The following PEX6 variants were observed in gnomAD, a reference collection of about 807,000 sequenced individuals.
PEX6 encodes the protein peroxisomal biogenesis factor 6, also known as peroxisome biogenesis factor 6.
Under a neutral mutation model 85.6 loss-of-function variants are expected in PEX6, and 55 were observed. The observed-to-expected ratio is 0.64, with a 90% CI of 0.52 to 0.80. The LOEUF (loss-of-function observed/expected upper bound fraction) is 0.80. PEX6 is among the 30% of genes least tolerant of loss of function. The pLI, the probability that PEX6 is intolerant of heterozygous loss-of-function variation, is 0.00. For missense variants in PEX6, 1,099 were observed against 1,260.3 expected, an observed-to-expected ratio of 0.87 and a Z score of 1.94; for synonymous variants, 519 against 549.1, an observed-to-expected ratio of 0.95 and a Z score of 0.77.
intron 2 of PEX6, among the ~76,000 whole-genome samples, chr6:42,974,442 G>GTTTTTTTTTT (rs71855084): frequency 1.7e-4 from 20 of 115,970 alleles, no homozygotes; most frequent in South Asian, 5.5e-4. Flanking sequence ...TGTCTGAAAT[G>GTTTTTTTTTT]TTTTTTTTGT....
chr6:42,972,908 A>C (rs554270653), intron 3 of PEX6, among the ~76,000 whole-genome samples: 1 of 152,344 alleles, frequency 6.6e-6, no homozygotes, highest in African/African-American at 2.4e-5. Flanking sequence ...GTATGGCCCA[A>C]GTCTTGGTCC....
chr6:42,963,962 A>T lies in PEX6; in HGVS notation c.*373T>A. ...CCCTCTCCCAGGGCTTACTCCTCCCACAACCCTGCTCTTTCTCACTCCAAC... is the reference window on the plus strand; with the variant it reads ...CCCTCTCCCAGGGCTTACTCCTCCCTCAACCCTGCTCTTTCTCACTCCAAC... On this transcript the variant is annotated 3_prime_UTR_variant, in exon 17 of 17. Coordinates refer to ENST00000304611, the MANE Select transcript of PEX6 (RefSeq NM_000287.4). The T allele has an allele frequency of 2.9e-6, 1 of 340,978 alleles. No individual in the cohort carries two copies. The highest frequency in any genetic ancestry group is 5.1e-6 in the Non-Finnish European group (1 of 194,444). The allele number at this position is 340,978 out of a possible 1,614,324, so 21.1% of individuals were successfully genotyped here. A position where few individuals can be genotyped will look rare whatever the true frequency, so the allele number is the denominator to read the frequency against.
rs746681634 is a variant in PEX6, at chr6:42,978,691, G to T, written c.460C>A (p.Arg154=). The part of the protein sequence containing the change: ...ALQGLLGPGT[R]LAVTELRGRA... ...CCGCGGAGCTCAGTCACAGCCAGCC[G>T]AGTCCCTGGGCCCAGCAGCCCTTGC... is the stretch of plus-strand genomic sequence containing the variant. The change falls in exon 1 of 17, where the codon CGG becomes AGG. Residue 154 remains arginine (R), a synonymous_variant. Coordinates refer to ENST00000304611, the MANE Select transcript of PEX6 (RefSeq NM_000287.4). 1 of 1,551,326 alleles carries T rather than the reference G, an allele frequency of 6.4e-7. No individual in the cohort carries two copies. Among genetic ancestry groups the T allele is most frequent in the Non-Finnish European group, 8.7e-7 (1 of 1,155,546 alleles).
In PEX6 at chr6:42,969,784, G is replaced by A. The variant is rs995542635; in HGVS notation, c.1251C>T (p.Ser417=). Residue 417 remains serine (S), a synonymous_variant, in exon 5 of 17, where the codon AGC becomes AGT. Coordinates refer to ENST00000304611, the MANE Select transcript of PEX6 (RefSeq NM_000287.4). ...CCTCTGAAGGGAGCCATGGAACAGG[G>A]CTCAGGGTAGAACCCACCTGTGAAA... The part of the protein sequence containing the change: ...TSLYMVGSTL[S]PVPWLPSEES... The A allele has an allele frequency of 2.5e-6, 4 of 1,613,756 alleles. No individual in the cohort carries two copies. The highest frequency in any genetic ancestry group is 2.7e-5 in the African/African-American group (2 of 74,824).
intron 5 of PEX6, 132 bp from the exon 6 acceptor site, chr6:42,969,117 C>A: frequency 2.9e-6 from 2 of 687,204 alleles, no homozygotes; most frequent in South Asian, 3.2e-5. Flanking sequence ...GACCCCAGGA[C>A]AGGGCTGTCC....
At chr6:42,975,449 G>T (rs145129693) in intron 1 of PEX6, among the ~76,000 whole-genome samples, 161 of 152,232 alleles carry the variant, frequency 1.1e-3, no homozygotes, top group Middle Eastern at 3.4e-3. Context: ...GTCATTGGTT[G>T]GTTCAATGAG....
chr6:42,968,292 GTTGAGGGGGTCCTCA>G lies in PEX6; in HGVS notation c.1671_1685del (p.Glu558_Asn562del), dbSNP rs1362072708. 2 of 1,613,654 alleles carry G rather than the reference GTTGAGGGGGTCCTCA, an allele frequency of 1.2e-6. No individual in the cohort carries two copies. The highest frequency in any genetic ancestry group is 2.7e-5 in the African/African-American group (2 of 74,940). On this transcript the variant is annotated inframe_deletion, in exon 7 of 17. Transcript: ENST00000304611. ...GAGGCCCAGCTCTGTATAAGTACCT[GTTGAGGGGGTCCTCA>G]TTGAGGAGGAGGTGACGCAGCACAG... is the stretch of plus-strand genomic sequence containing the variant.
chr6:42,966,165 C>G (rs1366153679), intron 11 of PEX6, 60 bp from the exon 12 acceptor site: 1 of 1,610,158 alleles, frequency 6.2e-7, no homozygotes, highest in African/African-American at 1.3e-5. Flanking sequence ...CAATTGACCT[C>G]TTGGGCAGCC....
rs533353705 is a variant in PEX6, at chr6:42,964,688, C to T, written c.2806+102G>A. The T allele has an allele frequency of 6.6e-7, 1 of 1,507,588 alleles. No individual in the cohort carries two copies. Among genetic ancestry groups the T allele is most frequent in the Admixed American group, 1.7e-5 (1 of 59,840 alleles). 93.4% of individuals were successfully genotyped at this position (1,507,588 alleles called of 1,614,324 possible). ...CAGGCTGGCCTCAAACTCCTGGGCT[C>T]AAGCGATCCTCCCACCTCAGCCTCT... is the stretch of plus-strand genomic sequence containing the variant. On this transcript the variant is annotated intron_variant, in intron 16 of 16. Transcript: ENST00000304611. The surrounding 1 kb of genome is among the most constrained non-coding windows in gnomAD (Gnocchi z 4.6).
chr6:42,964,910 C>G lies in PEX6; in HGVS notation c.2686G>C (p.Val896Leu), dbSNP rs201198996. The change falls in exon 16 of 17, where the codon GTG (valine) becomes CTG (leucine). Residue 896 changes from valine to leucine, a missense_variant. By Grantham distance (32) the Val-to-Leu change is conservative. Transcript: ENST00000304611. The surrounding 1 kb of genome is among the most constrained non-coding windows in gnomAD (Gnocchi z 4.6). ...CAATCTAGCACGTTTACCAGGCTCA[C>G]AGATGGCTCTAGCTTGAATCTGTTG... Reference protein sequence around the residue: ...ITRKFKLEPSVSLVNVLDCCP... With the variant: ...ITRKFKLEPSLSLVNVLDCCP... The G allele has an allele frequency of 6.2e-7, 1 of 1,614,204 alleles. No homozygotes were observed. The highest frequency in any genetic ancestry group is 1.3e-5 in the African/African-American group (1 of 75,060).
chr6:42,969,684 G>T lies in PEX6; in HGVS notation c.1351C>A (p.Pro451Thr), dbSNP rs369661341. 3 of 1,612,852 alleles carry T rather than the reference G, an allele frequency of 1.9e-6. No individual in the cohort carries two copies. The highest frequency in any genetic ancestry group is 4.0e-4 in the Middle Eastern group (2 of 5,044). Residue 451 changes from proline to threonine, a missense_variant, in exon 5 of 17, where the codon CCT becomes ACT. This residue lies in a region of PEX6 where 579 missense variants were observed against 611.6 expected (regional missense o/e 0.95). Transcript: ENST00000304611. The stretch of plus-strand genomic sequence containing the variant: ...CTCACTCACCCTGGCTGGAGGCGAG[G>T]CTTCAGGACAGCACAGAGTTCAGAC... ...LVSELCAVLK[P>T]RLQPGGALLT...
chr6:42,973,968 A>G (rs1475364760), intron 3 of PEX6, 35 bp downstream of exon 3: 3 of 1,486,402 alleles, frequency 2.0e-6, no homozygotes, highest in Non-Finnish European at 2.8e-6. Flanking sequence ...CCCAGGTTAC[A>G]AATCCCAGCT....
intron 2 of PEX6, 28 bp from the exon 3 acceptor site, chr6:42,974,114 G>T (rs765484247): frequency 6.5e-7 from 1 of 1,548,154 alleles, no homozygotes; most frequent in East Asian, 2.2e-5. Flanking sequence ...CCCTGGTCAG[G>T]TCACAATGGG....
Position 42,979,171 on chromosome 6 carries a change from G to A in PEX6, c.-21C>T. On this transcript the variant is annotated 5_prime_UTR_variant, in exon 1 of 17. Transcript: ENST00000304611. ...GCCATGGTGACAGGACACCAACGAG[G>A]AGGGTGAAGGAGCGCAGCTTCCGGA... The A allele has an allele frequency of 6.4e-7, 1 of 1,570,140 alleles. No homozygotes were observed. The highest frequency in any genetic ancestry group is 8.6e-7 in the Non-Finnish European group (1 of 1,166,716).
At position 42,967,455 on chromosome 6, in the gene PEX6, C is replaced by T. The variant is rs746770634; in HGVS notation, c.1797G>A (p.Gly599=). 5.6e-6 allele frequency: 9 copies of T among 1,612,384 alleles called. No homozygotes were observed. The highest frequency in any genetic ancestry group is 2.2e-5 in the South Asian group (2 of 90,616). ...GGGCCCGCAGGATGCTGAGCCGCTG[C>T]CCCTCTGACAGAGCAGGCACCTCGA... ...HELEVPALSE[G]QRLSILRALT... The change falls in exon 8 of 17, where the codon GGG becomes GGA. Residue 599 remains glycine, a synonymous_variant. Transcript: ENST00000304611.
In PEX6 at chr6:42,963,897, ATGTCAG is replaced by A; in HGVS notation, c.*432_*437del. On this transcript the variant is annotated 3_prime_UTR_variant, in exon 17 of 17. Transcript: ENST00000304611. ...GTTCCTGCATGCATTGTGTTTATTT[ATGTCAG>A]AAGGATCAGGCTCCCATGCTGCCCA... The A allele has an allele frequency of 1.9e-6, 1 of 539,728 alleles. No homozygotes were observed. Among genetic ancestry groups the A allele is most frequent in the Non-Finnish European group, 3.3e-6 (1 of 302,064 alleles). The allele number at this position is 539,728 out of a possible 1,614,324, so 33.4% of individuals were successfully genotyped here. A position where few individuals can be genotyped will look rare whatever the true frequency, so the allele number is the denominator to read the frequency against.
Position 42,978,339 on chromosome 6 carries a change from G to A in PEX6, c.812C>T (p.Ala271Val), listed in dbSNP as rs1770393815. The stretch of plus-strand genomic sequence containing the variant: ...AAAAGCCAAAGTGGCAGGGACAAGC[G>A]CCAGTCCGTCAGCGAGGGGCTCTCC... The part of the protein sequence containing the change: ...PLGEPLADGL[A>V]LVPATLAFNL... Residue 271 changes from alanine to valine, a missense_variant, in exon 1 of 17, where the codon GCG (alanine) becomes GTG (valine). Physicochemically the swap from Ala to Val is moderately conservative, Grantham distance 64 (BLOSUM62 0). Coordinates refer to ENST00000304611, the MANE Select transcript of PEX6 (RefSeq NM_000287.4). 2 of 1,614,078 alleles carry A rather than the reference G, an allele frequency of 1.2e-6. No individual in the cohort carries two copies. Among genetic ancestry groups the A allele is most frequent in the African/African-American group, 1.3e-5 (1 of 74,926 alleles).
At chr6:42,966,753 C>T in intron 9 of PEX6, 29 bp downstream of exon 9, 1 of 1,614,004 alleles carries the variant, frequency 6.2e-7, no homozygotes, top group South Asian at 1.1e-5. Context: ...TTTCCTCTTT[C>T]CGCCTTTCCG....
In PEX6 at chr6:42,965,223, G is replaced by A. The variant is rs758760645; in HGVS notation, c.2588+29C>T. 1 of 1,607,006 alleles carries A rather than the reference G, an allele frequency of 6.2e-7. No homozygotes were observed. The highest frequency in any genetic ancestry group is 2.2e-5 in the East Asian group (1 of 44,842). On this transcript the variant is annotated intron_variant, in intron 14 of 16. Coordinates refer to ENST00000304611, the MANE Select transcript of PEX6 (RefSeq NM_000287.4). This position sits in a 1 kb window ranked among gnomAD's most constrained non-coding sequence, Gnocchi z 5.0. The stretch of plus-strand genomic sequence containing the variant: ...AGGGGTGAAGGAGGCACAAAATGAG[G>A]GTGGAGATGAGCAGTACAAGGGGCC...
Sources: gnomAD v4.1 joint callset for allele counts (sites outside exome capture counted in the v4.1 genomes callset) on GRCh38, gnomAD v4.1.1 for gene constraint, gnomAD v4.1.1 regional missense constraint, Gnocchi (gnomAD v3.1) non-coding constraint, MANE v1.5 for transcripts, NCBI Gene and HGNC (gene_info 2026-07-23, HGNC 2026-07-21) for gene names.